Variants in PCNX1 observed in about 807,000 individuals in gnomAD.
PCNX1 encodes pecanex 1, also known as pecanex-like protein 1.
A neutral mutation model predicts 242.2 loss-of-function variants in PCNX1; 78 were observed. The observed-to-expected ratio is 0.32, with a 90% CI of 0.27 to 0.39. The LOEUF is 0.39. PCNX1 is among the 10% of genes least tolerant of loss of function. PCNX1 has a pLI of 1.00. For missense variants in PCNX1, 2,581 were observed against 2,856.5 expected (o/e 0.90, Z 2.20); for synonymous variants, 1,024 against 1,032.9 (o/e 0.99, Z 0.17).
chr14:71,017,913 T>C (rs921428534), intron 11 of PCNX1, among the ~76,000 whole-genome samples: 14 of 152,194 alleles, frequency 9.2e-5, no homozygotes, highest in Admixed American at 4.6e-4. Context: ...GCCCAGTTGA[T>C]TGTGATAAAT....
At position 71,073,527 on chromosome 14, in the gene PCNX1, T is replaced by G. The variant is rs560238038; in HGVS notation, c.4853-18T>G. ...TTCTGGTTTTCCCCCTTTGTAAAGC[T>G]CTCTCTCTCTCTCTAAGGTACCTAC... On this transcript the variant is annotated intron_variant, in intron 26 of 35. Transcript: ENST00000304743. 7.4e-6 allele frequency: 10 copies of G among 1,350,414 alleles called. No homozygotes were observed. In the African/African-American group the frequency reaches 1.2e-4, roughly 16 times the overall value. The allele number at this position is 1,350,414 out of a possible 1,614,324, so 83.7% of individuals were successfully genotyped here.
At chr14:71,068,878 A>G (rs2061522629) in intron 26 of PCNX1, among the ~76,000 whole-genome samples, 3 of 152,028 alleles carry the variant, frequency 2.0e-5, no homozygotes, top group Non-Finnish European at 4.4e-5. Context: ...TATAGATGCA[A>G]AAATCCTGCA....
At chr14:70,968,856 TC>T (rs1348549499) in intron 4 of PCNX1, among the ~76,000 whole-genome samples, 164 bp from the exon 5 acceptor site, 1 of 152,222 alleles carries the variant, frequency 6.6e-6, no homozygotes, top group Non-Finnish European at 1.5e-5. Flanking sequence ...CCATGATACT[TC>T]CTGCTAGTTC....
intron 22 of PCNX1, 24 bp from the exon 23 acceptor site, chr14:71,050,623 TACTGA>T: frequency 6.5e-7 from 1 of 1,538,810 alleles, no homozygotes; most frequent in Non-Finnish European, 8.7e-7. Context: ...TTTTTTTTTT[TACTGA>T]CAGCCATTCT....
At chr14:71,044,769 AC>A (rs1467141637) in intron 19 of PCNX1, 1 of 184,652 alleles carries the variant, frequency 5.4e-6, no homozygotes, top group African/African-American at 2.4e-5. Flanking sequence ...GGTGGACCCC[AC>A]CTTACCCCAT....
intron 26 of PCNX1, among the ~76,000 whole-genome samples, chr14:71,071,285 T>G (rs2061580530): frequency 6.6e-6 from 1 of 152,232 alleles, no homozygotes; most frequent in Non-Finnish European, 1.5e-5. Flanking sequence ...GTTTGTTCAC[T>G]GGAGTAGCAC....
intron 1 of PCNX1, among the ~76,000 whole-genome samples, chr14:70,916,886 A>C (rs1400258910): frequency 6.6e-6 from 1 of 152,208 alleles, no homozygotes; most frequent in Non-Finnish European, 1.5e-5. Context: ...AACTTCTTTC[A>C]AAATTAGAGT....
rs377232612 is a variant in PCNX1 at position 71,016,506 on chromosome 14, G to A, written c.2997-2503G>A. On this transcript the variant is annotated intron_variant, in intron 11 of 35. Transcript: ENST00000304743. ...TAGTTCACATTTTGAGCCATAATAC[G>A]AGAGTTATTAAATTTTAAAAGGTCC... 3.6e-3 allele frequency among the ~76,000 whole-genome samples: 555 copies of A among 152,208 alleles called. 1 individual carries two copies. Among genetic ancestry groups the A allele is most frequent in the African/African-American group, 0.013 (533 of 41,538 alleles).
intron 6 of PCNX1, among the ~76,000 whole-genome samples, chr14:70,984,995 G>T (rs1049152591): frequency 6.6e-6 from 1 of 152,144 alleles, no homozygotes; most frequent in African/African-American, 2.4e-5. Context: ...CTCCTGAGGT[G>T]GGAGGTATGT....
intron 3 of PCNX1, among the ~76,000 whole-genome samples, chr14:70,965,686 A>G (rs1023934240): frequency 4.1e-5 from 6 of 147,042 alleles, no homozygotes; most frequent in South Asian, 2.2e-4. Context: ...AAAAAAAGAT[A>G]ACGAAGTAAA....
At chr14:70,987,359 T>C (rs2059030360) in intron 6 of PCNX1, among the ~76,000 whole-genome samples, 1 of 152,226 alleles carries the variant, frequency 6.6e-6, no homozygotes, top group South Asian at 2.1e-4. Context: ...ACTGAATTTT[T>C]ATTTTTATTT....
intron 2 of PCNX1, among the ~76,000 whole-genome samples, chr14:70,957,365 A>G (rs1266812455): frequency 1.3e-5 from 2 of 152,196 alleles, no homozygotes; most frequent in African/African-American, 4.8e-5. Flanking sequence ...GATGTATAAA[A>G]CTAGGCAAGA....
intron 7 of PCNX1, among the ~76,000 whole-genome samples, chr14:70,992,300 A>C (rs910553012): frequency 6.6e-6 from 1 of 152,152 alleles, no homozygotes; most frequent in African/African-American, 2.4e-5. Flanking sequence ...TGTATTCTTA[A>C]AATTTATTTT....
chr14:70,946,104 T>C (rs571044413), intron 1 of PCNX1, among the ~76,000 whole-genome samples: 2 of 152,370 alleles, frequency 1.3e-5, no homozygotes, highest in Non-Finnish European at 2.9e-5. Context: ...ACACCCAGGA[T>C]GTTTGGCTGA....
chr14:70,944,113 C>CCACT (rs1208745659), intron 1 of PCNX1, among the ~76,000 whole-genome samples: 1 of 152,192 alleles, frequency 6.6e-6, no homozygotes, highest in African/African-American at 2.4e-5. Context: ...TGCAGAGTCC[C>CCACT]CACTGGGCAT....
chr14:70,945,517 G>T (rs993585036), intron 1 of PCNX1, among the ~76,000 whole-genome samples: 3 of 150,530 alleles, frequency 2.0e-5, no homozygotes, highest in South Asian at 4.2e-4. Flanking sequence ...TTATTAATTT[G>T]TGGACTTTAT....
chr14:70,954,950 T>A (rs2057936610), intron 2 of PCNX1, among the ~76,000 whole-genome samples: 1 of 152,212 alleles, frequency 6.6e-6, no homozygotes, highest in African/African-American at 2.4e-5. Context: ...GGAAAAGAAA[T>A]GAATAGGAAA....
rs766452238 is a variant in PCNX1, at chr14:71,051,921, T to C, written c.4486T>C (p.Phe1496Leu). ...GTTTATTCAGGCTGCTGTCTCGGCC[T>C]TCTTCTCTACTCCACTGAACCCCTT... is the stretch of plus-strand genomic sequence containing the variant. ...MLFIQAAVSA[F>L]FSTPLNPFLG... The change falls in exon 24 of 36, where the codon TTC (phenylalanine) becomes CTC (leucine). Residue 1496 changes from phenylalanine (F) to leucine (L), a missense_variant. Transcript: ENST00000304743. 2.5e-6 allele frequency: 4 copies of C among 1,613,826 alleles called. No homozygotes were observed. The South Asian group carries it at 3.3e-5, about 13-fold the overall frequency.
chr14:70,911,322 TAA>T (rs146323751), intron 1 of PCNX1, among the ~76,000 whole-genome samples: 1,398 of 132,728 alleles, frequency 0.011, 7 homozygotes, highest in Middle Eastern at 0.032. Context: ...GATCGTACAT[TAA>T]GTTAGGAAAC....
Sources: gnomAD v4.1 joint callset for allele counts (sites outside exome capture counted in the v4.1 genomes callset) on GRCh38, gnomAD v4.1.1 for gene constraint, MANE v1.5 for transcripts, NCBI Gene and HGNC (gene_info 2026-07-23, HGNC 2026-07-21) for gene names.